Variants in CACNA1E observed in about 807,000 individuals in gnomAD.
The protein encoded by CACNA1E is calcium voltage-gated channel subunit alpha1 E, also known as voltage-dependent R-type calcium channel subunit alpha-1E.
CACNA1E carries 40 observed loss-of-function variants against 259.2 expected under a neutral mutation model. That is an observed-to-expected ratio of 0.15 (90% CI 0.12 to 0.20). The LOEUF (loss-of-function observed/expected upper bound fraction) is 0.20, where lower values mean the gene tolerates loss of function less well. Among genes scored for constraint, CACNA1E ranks in the 10% least tolerant of loss-of-function variants. CACNA1E has a pLI of 1.00. For synonymous variants in CACNA1E, 1,104 were observed against 1,138.5 expected (o/e 0.97, Z 0.61); for missense variants, 1,874 against 3,040.1 (o/e 0.62, Z 9.02).
At chr1:181,692,213 T>C (rs1450223172) in intron 7 of CACNA1E, among the ~76,000 whole-genome samples, 1 of 152,140 alleles carries the variant, frequency 6.6e-6, no homozygotes, top group Non-Finnish European at 1.5e-5. Context: ...ATTGGAAGAG[T>C]CAGTATTGTT....
intron 22 of CACNA1E, 85 bp from the exon 23 acceptor site, chr1:181,737,440 G>A: frequency 2.0e-6 from 3 of 1,503,168 alleles, no homozygotes; most frequent in Non-Finnish European, 2.7e-6. Flanking sequence ...GTCTGGAAGG[G>A]GCCAATATGT....
intron 1 of CACNA1E, among the ~76,000 whole-genome samples, chr1:181,329,722 C>T (rs1651090684): frequency 1.3e-5 from 2 of 152,186 alleles, no homozygotes; most frequent in Admixed American, 6.5e-5. Flanking sequence ...ATTTATGTTC[C>T]CCTATGACAC....
At chr1:181,405,952 A>G (rs1317887089) in intron 1 of CACNA1E, among the ~76,000 whole-genome samples, 1 of 152,224 alleles carries the variant, frequency 6.6e-6, no homozygotes, top group Non-Finnish European at 1.5e-5. Context: ...TTTTATTGAA[A>G]TACAGCCGTA....
chr1:181,669,774 CA>C (rs1404136860), intron 7 of CACNA1E, among the ~76,000 whole-genome samples: 11 of 152,174 alleles, frequency 7.2e-5, no homozygotes, highest in African/African-American at 2.7e-4. Flanking sequence ...TTTCAGTGTG[CA>C]TAATTCCCCT....
At chr1:181,319,067 T>C (rs1248217549) in intron 1 of CACNA1E, among the ~76,000 whole-genome samples, 2 of 152,140 alleles carry the variant, frequency 1.3e-5, no homozygotes, top group African/African-American at 4.8e-5. Context: ...AGGACTGAGG[T>C]CACTTGCTGC....
At chr1:181,625,045 A>G (rs898490723) in intron 6 of CACNA1E, among the ~76,000 whole-genome samples, 3 of 95,084 alleles carry the variant, frequency 3.2e-5, no homozygotes, top group Non-Finnish European at 5.8e-5. Context: ...TTTGAAAGGA[A>G]TCTTTTTTTT....
intron 3 of CACNA1E, among the ~76,000 whole-genome samples, chr1:181,565,402 T>A (rs1205821338): frequency 6.6e-6 from 1 of 152,218 alleles, no homozygotes; most frequent in African/African-American, 2.4e-5. Context: ...CCTGTAAGAT[T>A]GGCTTTATTT....
intron 6 of CACNA1E, among the ~76,000 whole-genome samples, chr1:181,600,193 A>G (rs1653600366): frequency 6.6e-6 from 1 of 152,142 alleles, no homozygotes; most frequent in African/African-American, 2.4e-5. Context: ...CAGGGACCCA[A>G]AGTGGTTGCT....
At chr1:181,408,874 C>A (rs1657651758) in intron 1 of CACNA1E, among the ~76,000 whole-genome samples, 1 of 152,184 alleles carries the variant, frequency 6.6e-6, no homozygotes, top group African/African-American at 2.4e-5. Context: ...CCTCTTCTCC[C>A]TCTCTTCAGG....
intron 25 of CACNA1E, 84 bp downstream of exon 25, chr1:181,739,337 C>A: frequency 1.1e-6 from 1 of 948,736 alleles, no homozygotes; most frequent in Non-Finnish European, 1.7e-6. Context: ...TCCAGAAATG[C>A]AACATGCAGG....
At chr1:181,656,659 A>C (rs1659233439) in intron 7 of CACNA1E, among the ~76,000 whole-genome samples, 1 of 152,218 alleles carries the variant, frequency 6.6e-6, no homozygotes, top group Non-Finnish European at 1.5e-5. Context: ...GCCATACAGT[A>C]ATGTCCTAGG....
At chr1:181,375,068 G>C (rs1028851984) in intron 1 of CACNA1E, among the ~76,000 whole-genome samples, 1 of 152,180 alleles carries the variant, frequency 6.6e-6, no homozygotes, top group African/African-American at 2.4e-5. Context: ...TGTCTTCTCA[G>C]TTATGAAGTG....
intron 7 of CACNA1E, among the ~76,000 whole-genome samples, chr1:181,677,078 TC>T (rs891560471): frequency 5.3e-5 from 8 of 152,198 alleles, no homozygotes; most frequent in African/African-American, 1.9e-4. Context: ...TCTTCTCTAC[TC>T]CCTTTTGCTT....
chr1:181,697,943 C>G (rs1651873023), intron 7 of CACNA1E, among the ~76,000 whole-genome samples: 1 of 152,164 alleles, frequency 6.6e-6, no homozygotes, highest in African/African-American at 2.4e-5. Flanking sequence ...GAAGTCTATG[C>G]TGGGGTGGGG....
chr1:181,554,173 AT>A (rs1648484220), intron 3 of CACNA1E, among the ~76,000 whole-genome samples: 2 of 152,078 alleles, frequency 1.3e-5, no homozygotes, highest in South Asian at 4.2e-4. Context: ...TGCCCAGCTA[AT>A]TTTTTTAGTT....
At chr1:181,469,193 G>A (rs1348424701) in intron 2 of CACNA1E, among the ~76,000 whole-genome samples, 1 of 152,134 alleles carries the variant, frequency 6.6e-6, no homozygotes, top group Non-Finnish European at 1.5e-5. Flanking sequence ...ACCTGGAAGA[G>A]GAAGATGGAT....
intron 6 of CACNA1E, among the ~76,000 whole-genome samples, chr1:181,629,331 A>G (rs1173383095): frequency 6.6e-6 from 1 of 152,182 alleles, no homozygotes; most frequent in Non-Finnish European, 1.5e-5. Flanking sequence ...TATTTTTCTA[A>G]TGGCCAGGGA....
chr1:181,482,112 G>C (rs1023714412), upstream of CACNA1E, among the ~76,000 whole-genome samples: 2 of 152,202 alleles, frequency 1.3e-5, no homozygotes, highest in Admixed American at 1.3e-4. Flanking sequence ...CCTCCACGGG[G>C]CCTCCCAGGT....
At chr1:181,451,893 C>T (rs1331502132) in intron 2 of CACNA1E, among the ~76,000 whole-genome samples, 1 of 152,142 alleles carries the variant, frequency 6.6e-6, no homozygotes, top group Non-Finnish European at 1.5e-5. Flanking sequence ...CATGAGGCAA[C>T]TGGTGAGGCC....
Sources: gnomAD v4.1 joint callset for allele counts (sites outside exome capture counted in the v4.1 genomes callset) on GRCh38, gnomAD v4.1.1 for gene constraint, MANE v1.5 for transcripts, NCBI Gene and HGNC (gene_info 2026-07-23, HGNC 2026-07-21) for gene names.